Variants in PRSS12 observed in about 807,000 individuals in gnomAD.
The protein encoded by PRSS12 is neurotrypsin.
Under a neutral mutation model 104.4 loss-of-function variants are expected in PRSS12, and 85 were observed. The observed-to-expected ratio is 0.81, with a 90% CI of 0.68 to 0.98. The LOEUF is 0.98. Among genes scored for constraint, PRSS12 ranks in the 50% least tolerant of loss-of-function variants. The pLI is 0.00. For missense variants in PRSS12, 1,141 were observed against 1,139.2 expected (o/e 1.00, Z -0.02); for synonymous variants, 454 against 425.2 (o/e 1.07, Z -0.83).
chr4:118,283,798 A>C (rs1742951526), intron 11 of PRSS12, among the ~76,000 whole-genome samples: 1 of 152,212 alleles, frequency 6.6e-6, no homozygotes, highest in Non-Finnish European at 1.5e-5. Context: ...ACTTTGTAAC[A>C]AAACTATCTA....
intron 1 of PRSS12, among the ~76,000 whole-genome samples, chr4:118,345,823 G>A (rs1234183998): frequency 1.3e-5 from 2 of 152,062 alleles, no homozygotes; most frequent in African/African-American, 4.8e-5. Context: ...CCAAATATAA[G>A]GACAAGTCCC....
chr4:118,295,936 T>C, intron 9 of PRSS12, 80 bp from the exon 10 acceptor site: 1 of 1,238,152 alleles, frequency 8.1e-7, no homozygotes, highest in South Asian at 1.2e-5. Flanking sequence ...ACTCCACTGA[T>C]GCTTCCTCCT....
At chr4:118,301,751 T>C (rs1341620621) in intron 8 of PRSS12, among the ~76,000 whole-genome samples, 2 of 152,210 alleles carry the variant, frequency 1.3e-5, no homozygotes, top group Admixed American at 6.5e-5. Flanking sequence ...TTTTTCTTTT[T>C]ATTTTCTACT....
intron 8 of PRSS12, among the ~76,000 whole-genome samples, chr4:118,304,307 TGG>T (rs1376929984): frequency 2.0e-5 from 3 of 151,918 alleles, no homozygotes; most frequent in African/African-American, 7.2e-5. Context: ...GTAAAATTTC[TGG>T]TCAAAGAAGT....
chr4:118,341,624 G>T (rs187910704), intron 1 of PRSS12, among the ~76,000 whole-genome samples: 1 of 151,612 alleles, frequency 6.6e-6, no homozygotes, highest in East Asian at 1.9e-4. Context: ...TGAGGTTGCG[G>T]CGAGCCGAGA....
chr4:118,333,528 A>G (rs1324936437), intron 3 of PRSS12, among the ~76,000 whole-genome samples: 1 of 152,228 alleles, frequency 6.6e-6, no homozygotes, highest in Non-Finnish European at 1.5e-5. Context: ...GACAGGTTTA[A>G]TATATATGGC....
chr4:118,327,445 C>A (rs1311892120), intron 4 of PRSS12, among the ~76,000 whole-genome samples: 2 of 151,924 alleles, frequency 1.3e-5, no homozygotes, highest in Non-Finnish European at 2.9e-5. Context: ...AGACACCATG[C>A]CTGGCAAAAA....
At chr4:118,288,945 C>T (rs1743070565) in intron 11 of PRSS12, among the ~76,000 whole-genome samples, 1 of 152,172 alleles carries the variant, frequency 6.6e-6, no homozygotes, top group Non-Finnish European at 1.5e-5. Flanking sequence ...TTACCAACTA[C>T]TTCAGGTGCG....
chr4:118,284,496 C>T (rs752456005), intron 11 of PRSS12, among the ~76,000 whole-genome samples: 6 of 152,140 alleles, frequency 3.9e-5, no homozygotes, highest in Non-Finnish European at 5.9e-5. Flanking sequence ...TATTCTCCAC[C>T]TCATCTCAGC....
intron 4 of PRSS12, among the ~76,000 whole-genome samples, chr4:118,328,202 G>C (rs1312532691): frequency 6.6e-6 from 1 of 152,140 alleles, no homozygotes; most frequent in Non-Finnish European, 1.5e-5. Flanking sequence ...ACTTATGAGA[G>C]AACTATAAAA....
chr4:118,294,797 C>G, intron 11 of PRSS12, 142 bp downstream of exon 11: 1 of 1,185,954 alleles, frequency 8.4e-7, no homozygotes. Flanking sequence ...TTTTGTCACT[C>G]CCTCATTCCA....
chr4:118,331,916 T>G, intron 3 of PRSS12, 50 bp from the exon 4 acceptor site: 1 of 1,608,674 alleles, frequency 6.2e-7, no homozygotes. Context: ...TTTACATTGA[T>G]TGATAAGATT....
Position 118,282,952 on chromosome 4 carries a change from T to C in PRSS12, c.2199A>G (p.Gln733=). The change falls in exon 12 of 13, where the codon CAA becomes CAG. Residue 733 remains glutamine (Q), a synonymous_variant. Coordinates refer to ENST00000296498, the MANE Select transcript of PRSS12 (RefSeq NM_003619.4). ...ATCTGGCACATTGCTCTTCTGGTCC[T>C]TGTAATCTAACCAGGGCTATGTCAT... ...SDYDIALVRL[Q]GPEEQCARFS... is the part of the protein sequence containing the mutation. 6.2e-7 allele frequency: 1 copy of C among 1,614,220 alleles called. No individual in the cohort carries two copies. The highest frequency in any genetic ancestry group is 1.1e-5 in the South Asian group (1 of 91,088).
intron 8 of PRSS12, among the ~76,000 whole-genome samples, chr4:118,305,105 A>C (rs974020358): frequency 6.9e-6 from 1 of 145,810 alleles, no homozygotes; most frequent in Non-Finnish European, 1.5e-5. Context: ...TATAATTTAT[A>C]TATATATATA....
rs1419091607 is a variant in PRSS12, at chr4:118,281,185, A to G, written c.*751T>C. 1 of 152,340 alleles carries G rather than the reference A, an allele frequency of 6.6e-6. No individual in the cohort carries two copies. Among genetic ancestry groups the G allele is most frequent in the African/African-American group, 2.4e-5 (1 of 41,440 alleles). The allele number at this position is 152,340 out of a possible 1,614,324, so 9.4% of individuals were successfully genotyped here. On this transcript the variant is annotated 3_prime_UTR_variant, in exon 13 of 13. Coordinates refer to ENST00000296498, the MANE Select transcript of PRSS12 (RefSeq NM_003619.4). ...TAAAAGCAAATATAGTAGATATGTTAATGTGTTGGATAAAATAGGTTGTAT... is the reference window on the plus strand; with the variant it reads ...TAAAAGCAAATATAGTAGATATGTTGATGTGTTGGATAAAATAGGTTGTAT...
intron 6 of PRSS12, 125 bp downstream of exon 6, chr4:118,316,057 C>A: frequency 9.6e-7 from 1 of 1,046,464 alleles, no homozygotes; most frequent in Non-Finnish European, 1.4e-6. Flanking sequence ...TGTTGTACTT[C>A]CATACACAGG....
intron 1 of PRSS12, among the ~76,000 whole-genome samples, chr4:118,340,932 T>C (rs1724190399): frequency 6.6e-6 from 1 of 152,228 alleles, no homozygotes. Flanking sequence ...TTGGCCTCTT[T>C]GAGTTTTGTT....
In PRSS12 at chr4:118,352,987, G is replaced by C. The variant is rs879384304; in HGVS notation, c.-267C>G. 1.2e-6 allele frequency: 1 copy of C among 828,022 alleles called. No homozygotes were observed. Among genetic ancestry groups the C allele is most frequent in the Non-Finnish European group, 1.7e-6 (1 of 596,628 alleles). The allele number at this position is 828,022 out of a possible 1,614,324, so 51.3% of individuals were successfully genotyped here. On this transcript the variant is annotated 5_prime_UTR_variant, in exon 1 of 13. Transcript: ENST00000296498. ...GGCCGGCGGAGAGGACCGGAAAAGA[G>C]AAGGCGCGGACGCAGCGGGGAGCGG...
At chr4:118,341,464 C>A (rs1724206714) in intron 1 of PRSS12, among the ~76,000 whole-genome samples, 1 of 152,080 alleles carries the variant, frequency 6.6e-6, no homozygotes, top group Non-Finnish European at 1.5e-5. Flanking sequence ...GGGTGGATCA[C>A]CTGAGATTGA....
Sources: allele counts gnomAD v4.1 joint callset (sites outside exome capture counted in the v4.1 genomes callset), GRCh38; gene constraint gnomAD v4.1.1; transcripts MANE v1.5; gene names NCBI Gene and HGNC (gene_info 2026-07-23, HGNC 2026-07-21).